Variants in RALYL observed in about 807,000 individuals in gnomAD.
RALYL encodes the protein RALY RNA binding protein like.
RALYL carries 29 observed loss-of-function variants against 35.1 expected under a neutral mutation model. The observed-to-expected ratio is 0.83, with a 90% CI of 0.61 to 1.13. RALYL has a LOEUF of 1.13. RALYL is among the 50% of genes most tolerant of loss of function. RALYL has a pLI of 0.00. For synonymous variants in RALYL, 120 were observed against 127.6 expected, an observed-to-expected ratio of 0.94 and a Z score of 0.40; for missense variants, 359 against 360.4, an observed-to-expected ratio of 1.00 and a Z score of 0.03.
chr8:84,649,136 T>A (rs573168208), intron 2 of RALYL, among the ~76,000 whole-genome samples: 25 of 152,108 alleles, frequency 1.6e-4, no homozygotes, highest in Non-Finnish European at 3.4e-4. Flanking sequence ...GCATATGTTG[T>A]CACCAAAACT....
intron 2 of RALYL, among the ~76,000 whole-genome samples, chr8:84,598,078 C>T (rs2130689810): frequency 6.6e-6 from 1 of 152,220 alleles, no homozygotes; most frequent in Middle Eastern, 3.4e-3. Flanking sequence ...ATACTGTTGC[C>T]TTGCACTAGA....
chr8:84,470,646 C>G (rs2052611008), intron 1 of RALYL, among the ~76,000 whole-genome samples: 1 of 152,168 alleles, frequency 6.6e-6, no homozygotes, highest in Admixed American at 6.5e-5. Context: ...GTGAATGCTG[C>G]TTATTTTCCC....
intron 1 of RALYL, among the ~76,000 whole-genome samples, chr8:84,423,444 T>C (rs1228116949): frequency 6.6e-6 from 1 of 151,918 alleles, no homozygotes; most frequent in African/African-American, 2.4e-5. Context: ...TATGTGTGTC[T>C]CTGCACATGA....
intron 1 of RALYL, among the ~76,000 whole-genome samples, chr8:84,308,255 T>C (rs1244981744): frequency 6.6e-6 from 1 of 151,968 alleles, no homozygotes; most frequent in Non-Finnish European, 1.5e-5. Flanking sequence ...AAATAAACCA[T>C]CTTGACAAAA....
chr8:84,833,595 G>C (rs531105013), intron 4 of RALYL, among the ~76,000 whole-genome samples: 1 of 147,472 alleles, frequency 6.8e-6, no homozygotes, highest in Non-Finnish European at 1.5e-5. Flanking sequence ...CTGAGATTGC[G>C]CCATTGCACT....
chr8:84,621,865 T>G (rs1370907606), intron 2 of RALYL, among the ~76,000 whole-genome samples: 1 of 152,202 alleles, frequency 6.6e-6, no homozygotes, highest in Non-Finnish European at 1.5e-5. Flanking sequence ...TTTCTAGTCC[T>G]TTGCAGTGCT....
At chr8:84,621,118 C>T (rs1821298821) in intron 2 of RALYL, among the ~76,000 whole-genome samples, 1 of 152,192 alleles carries the variant, frequency 6.6e-6, no homozygotes, top group Non-Finnish European at 1.5e-5. Context: ...TGGGCTCCAC[C>T]CAGTTCGAGC....
At chr8:84,235,285 C>T (rs1463838307) in intron 1 of RALYL, among the ~76,000 whole-genome samples, 1 of 152,106 alleles carries the variant, frequency 6.6e-6, no homozygotes, top group East Asian at 1.9e-4. Context: ...AGTTGAAATA[C>T]AGGCTAAGAA....
chr8:84,536,921 C>T (rs2059649677), intron 2 of RALYL, among the ~76,000 whole-genome samples: 1 of 151,948 alleles, frequency 6.6e-6, no homozygotes, highest in Non-Finnish European at 1.5e-5. Context: ...TTCTTAACAA[C>T]CTTTGAAACT....
intron 2 of RALYL, among the ~76,000 whole-genome samples, chr8:84,592,158 C>T (rs937965275): frequency 1.1e-4 from 16 of 152,126 alleles, no homozygotes; most frequent in Non-Finnish European, 1.9e-4. Flanking sequence ...AACCCAATTT[C>T]CAAAAGGCCA....
rs1366954427 is a variant in RALYL, at chr8:84,628,338, A to G, written c.256+98761A>G. Reference sequence around the variant, plus strand: ...CAGATTTAGTAACACCTCCTCAAAAAGGCCTTCCTCACTCCCTATCCCATT... The same window carrying G: ...CAGATTTAGTAACACCTCCTCAAAAGGGCCTTCCTCACTCCCTATCCCATT... On this transcript the variant is annotated intron_variant, in intron 2 of 8. Coordinates refer to ENST00000521268, the MANE Select transcript of RALYL (RefSeq NM_173848.7). Among the ~76,000 whole-genome samples, 3 of 152,032 alleles carry G rather than the reference A, an allele frequency of 2.0e-5. No homozygotes were observed. The East Asian group carries it at 5.8e-4, about 29-fold the overall frequency.
chr8:84,869,319 T>C (rs564793819), intron 6 of RALYL, among the ~76,000 whole-genome samples: 12 of 152,354 alleles, frequency 7.9e-5, no homozygotes, highest in African/African-American at 2.9e-4. Context: ...TATTTAAAAC[T>C]GATTTATAAA....
intron 1 of RALYL, among the ~76,000 whole-genome samples, chr8:84,226,476 A>G (rs1823899063): frequency 2.0e-5 from 3 of 152,022 alleles, no homozygotes; most frequent in Admixed American, 6.6e-5. Context: ...GTGCAATCTC[A>G]GCTCATCGCA....
At chr8:84,537,236 G>A (rs1345963773) in intron 2 of RALYL, among the ~76,000 whole-genome samples, 2 of 151,012 alleles carry the variant, frequency 1.3e-5, no homozygotes, top group African/African-American at 2.4e-5. Context: ...TTGAGAGGCC[G>A]AGACAAGCTG....
intron 1 of RALYL, among the ~76,000 whole-genome samples, chr8:84,332,459 A>G (rs1185668642): frequency 6.6e-6 from 1 of 152,134 alleles, no homozygotes; most frequent in African/African-American, 2.4e-5. Context: ...CAGAGGACAA[A>G]GGGGCAGGGG....
At chr8:84,390,381 C>G (rs898292355) in intron 1 of RALYL, among the ~76,000 whole-genome samples, 25 of 152,202 alleles carry the variant, frequency 1.6e-4, no homozygotes, top group Admixed American at 6.5e-4. Flanking sequence ...AGGATTCCCT[C>G]TTTTTCTATT....
chr8:84,730,316 C>CT (rs1401389802), intron 2 of RALYL, among the ~76,000 whole-genome samples: 1 of 152,048 alleles, frequency 6.6e-6, no homozygotes, highest in Non-Finnish European at 1.5e-5. Context: ...CAGAAAAGGC[C>CT]TTTGACAAAA....
chr8:84,429,583 A>G (rs553762481), intron 1 of RALYL, among the ~76,000 whole-genome samples: 1 of 152,114 alleles, frequency 6.6e-6, no homozygotes, highest in South Asian at 2.1e-4. Context: ...AGTTTGTTTC[A>G]CATGTTTATT....
Position 84,350,203 on chromosome 8 carries a change from G to A in RALYL, c.-24+165779G>A, listed in dbSNP as rs946989711. Reference sequence around the variant, plus strand: ...TGTATGACCAATATCCACCACAGTTGGCTAGGCCTATAGCTTTATTCCCCC... The same window carrying A: ...TGTATGACCAATATCCACCACAGTTAGCTAGGCCTATAGCTTTATTCCCCC... On this transcript the variant is annotated intron_variant, in intron 1 of 8. Transcript: ENST00000521268. 1.3e-5 allele frequency among the ~76,000 whole-genome samples: 2 copies of A among 150,210 alleles called. 1 individual carries two copies. Among genetic ancestry groups the A allele is most frequent in the African/African-American group, 5.0e-5 (2 of 40,352 alleles).
Sources: allele counts gnomAD v4.1 joint callset (sites outside exome capture counted in the v4.1 genomes callset), GRCh38; gene constraint gnomAD v4.1.1; transcripts MANE v1.5; gene names NCBI Gene and HGNC (gene_info 2026-07-23, HGNC 2026-07-21).